The following PM20D2 variants were observed in gnomAD, a reference collection of about 807,000 sequenced individuals.
The protein encoded by PM20D2 is peptidase M20 domain containing 2.
Under a neutral mutation model 42.9 loss-of-function variants are expected in PM20D2, and 33 were observed. That is an observed-to-expected ratio of 0.77 (90% CI 0.58 to 1.03). The LOEUF (loss-of-function observed/expected upper bound fraction) is 1.03, where lower values mean the gene tolerates loss of function less well. Among genes scored for constraint, PM20D2 ranks in the 50% least tolerant of loss-of-function variants. The pLI, the probability that PM20D2 is intolerant of heterozygous loss-of-function variation, is 0.00. For synonymous variants in PM20D2, 250 were observed against 228.2 expected, an observed-to-expected ratio of 1.10 and a Z score of -0.86; for missense variants, 548 against 557.0, an observed-to-expected ratio of 0.98 and a Z score of 0.16.
chr6:89,107,930 G>C, the PM20D2 span, among the ~76,000 whole-genome samples: 1 of 152,124 alleles, frequency 6.6e-6, no homozygotes, highest in Admixed American at 6.6e-5. Flanking sequence ...GACCTAATAA[G>C]TAATTGTTTC....
chr6:89,105,516 C>A, the PM20D2 span: 1 of 1,603,002 alleles, frequency 6.2e-7, no homozygotes, highest in South Asian at 1.1e-5. Flanking sequence ...TTCAGCATCT[C>A]GAACATCTTC....
the PM20D2 span, among the ~76,000 whole-genome samples, chr6:89,128,286 G>A: frequency 2.0e-5 from 3 of 152,132 alleles, no homozygotes; most frequent in African/African-American, 7.2e-5. Context: ...TGCTCTGGGA[G>A]TCTCTGTCTT....
chr6:89,110,181 GAGGGTCTTGCCTATGAGTCCTCC>G, the PM20D2 span, among the ~76,000 whole-genome samples: 1 of 152,126 alleles, frequency 6.6e-6, no homozygotes, highest in Admixed American at 6.5e-5. Flanking sequence ...GTTACCAATG[GAGGGTCTTGCCTATGAGTCCTCC>G]AGGTTCTTGG....
At chr6:89,098,625 G>C in the PM20D2 span, 3 of 1,613,606 alleles carry the variant, frequency 1.9e-6, no homozygotes, top group East Asian at 4.5e-5. Flanking sequence ...GAATGTGACC[G>C]AAAATGAGAA....
chr6:89,159,689 G>A (rs889117923), intron 5 of PM20D2, among the ~76,000 whole-genome samples: 12 of 152,218 alleles, frequency 7.9e-5, no homozygotes, highest in African/African-American at 2.7e-4. Flanking sequence ...GTAATGTTTA[G>A]GAAGGAGGTC....
chr6:89,110,103 T>G, the PM20D2 span, among the ~76,000 whole-genome samples: 1 of 151,842 alleles, frequency 6.6e-6, no homozygotes, highest in African/African-American at 2.4e-5. Flanking sequence ...AAAAAAAAAA[T>G]TATTTTCTCC....
At chr6:89,140,785 C>A in the PM20D2 span, among the ~76,000 whole-genome samples, 5 of 152,130 alleles carry the variant, frequency 3.3e-5, no homozygotes, top group Non-Finnish European at 7.4e-5. Flanking sequence ...AGAAGGGAAG[C>A]CAAAGGGAGC....
the PM20D2 span, among the ~76,000 whole-genome samples, chr6:89,104,557 T>C: frequency 2.6e-5 from 4 of 151,656 alleles, no homozygotes; most frequent in Admixed American, 6.6e-5. Flanking sequence ...TTTTTTTACT[T>C]TTTTTTTCTG....
chr6:89,124,345 A>T, the PM20D2 span, among the ~76,000 whole-genome samples: 1 of 152,230 alleles, frequency 6.6e-6, no homozygotes, highest in Non-Finnish European at 1.5e-5. Flanking sequence ...AGTGTAACAT[A>T]TAAAACTAAA....
chr6:89,124,732 TGTTG>T, the PM20D2 span, among the ~76,000 whole-genome samples: 1 of 102,350 alleles, frequency 9.8e-6, no homozygotes. Flanking sequence ...TTGTTGCTGT[TGTTG>T]TTTTTTTTTT....
Position 89,146,364 on chromosome 6 carries a change from T to TCCTG in PM20D2, c.221_224dup (p.Trp75CysfsTer58). ...CTTCGAGCGGGAGCCGCCCGCGGCC[T>TCCTG]CCTGGGCAGTGCAGCCGCACTACCA... On this transcript the variant is annotated frameshift_variant, in exon 1 of 7. Coordinates refer to ENST00000275072, the MANE Select transcript of PM20D2 (RefSeq NM_001010853.3). LOFTEE classifies it high-confidence loss of function. 1 of 1,545,700 alleles carries TCCTG rather than the reference T, an allele frequency of 6.5e-7. No individual in the cohort carries two copies. The highest frequency in any genetic ancestry group is 8.7e-7 in the Non-Finnish European group (1 of 1,153,908).
At chr6:89,153,941 T>C (rs1438930762) in intron 3 of PM20D2, among the ~76,000 whole-genome samples, 2 of 152,182 alleles carry the variant, frequency 1.3e-5, no homozygotes, top group South Asian at 4.1e-4. Context: ...TATATCACCA[T>C]AATATAAATA....
rs1771336358 is a variant in PM20D2, at chr6:89,164,286, CTG to C, written c.*2025_*2026del. 6.6e-6 allele frequency: 1 copy of C among 152,360 alleles called. No individual in the cohort carries two copies. The highest frequency in any genetic ancestry group is 1.5e-5 in the Non-Finnish European group (1 of 68,008). 9.4% of individuals were successfully genotyped at this position (152,360 alleles called of 1,614,324 possible). On this transcript the variant is annotated 3_prime_UTR_variant, in exon 7 of 7. Coordinates refer to ENST00000275072, the MANE Select transcript of PM20D2 (RefSeq NM_001010853.3). ...ATTAAGAGTTGTGTTGATAATTTAA[CTG>C]TTACAATTTCAGCAGTTGAATTCAG...
Position 89,153,122 on chromosome 6 carries a change from G to A in PM20D2, c.694G>A (p.Val232Met). ...WEGLNALDAA[V>M]LAYNNLSVFR... ...AGGATTAAATGCATTAGATGCTGCT[G>A]TGCTGGCCTATAACAATCTGTCTGT... The change falls in exon 3 of 7, where the codon GTG becomes ATG. Residue 232 changes from valine (V) to methionine (M), a missense_variant. Physicochemically the swap from Val to Met is conservative, Grantham distance 21. This residue lies in a region of PM20D2 where 470 missense variants were observed against 464.4 expected (regional missense o/e 1.01). Transcript: ENST00000275072. 6.2e-7 allele frequency: 1 copy of A among 1,612,516 alleles called. No homozygotes were observed. Among genetic ancestry groups the A allele is most frequent in the Non-Finnish European group, 8.5e-7 (1 of 1,179,240 alleles).
the PM20D2 span, among the ~76,000 whole-genome samples, chr6:89,129,361 G>A: frequency 6.6e-6 from 1 of 152,164 alleles, no homozygotes; most frequent in African/African-American, 2.4e-5. Context: ...GCCAGATACT[G>A]CAATCCTAGC....
At chr6:89,151,294 A>G (rs1055315715) in intron 2 of PM20D2, among the ~76,000 whole-genome samples, 30 of 149,132 alleles carry the variant, frequency 2.0e-4, no homozygotes, top group African/African-American at 7.0e-4. Context: ...ACAGTGGCGC[A>G]ATCTCAGCTC....
chr6:89,101,629 C>T, the PM20D2 span, among the ~76,000 whole-genome samples: 1 of 151,728 alleles, frequency 6.6e-6, no homozygotes, highest in Non-Finnish European at 1.5e-5. Context: ...ATCTGGGAGG[C>T]GGAGGTTGTA....
chr6:89,117,473 G>A, the PM20D2 span, among the ~76,000 whole-genome samples: 1 of 152,214 alleles, frequency 6.6e-6, no homozygotes, highest in Non-Finnish European at 1.5e-5. Context: ...ACTCGCTGGA[G>A]CGCAAACCCT....
rs908970309 is a variant in PM20D2, at chr6:89,163,733, G to A, written c.*1470G>A. 4 of 152,184 alleles carry A rather than the reference G, an allele frequency of 2.6e-5. No individual in the cohort carries two copies. The highest frequency in any genetic ancestry group is 2.0e-4 in the Admixed American group (3 of 15,296). The allele number at this position is 152,184 out of a possible 1,614,324, so 9.4% of individuals were successfully genotyped here. A position where few individuals can be genotyped will look rare whatever the true frequency, so the allele number is the denominator to read the frequency against. The stretch of plus-strand genomic sequence containing the variant: ...CTGAATTAGTTTCTAAACTAAACTA[G>A]AGGTATAGGTGGACCTGCTTGAGGT... On this transcript the variant is annotated 3_prime_UTR_variant, in exon 7 of 7. Coordinates refer to ENST00000275072, the MANE Select transcript of PM20D2 (RefSeq NM_001010853.3).
Sources: allele counts gnomAD v4.1 joint callset (sites outside exome capture counted in the v4.1 genomes callset), GRCh38; gene constraint gnomAD v4.1.1; regional missense constraint gnomAD v4.1.1; transcripts MANE v1.5; gene names NCBI Gene and HGNC (gene_info 2026-07-23, HGNC 2026-07-21).